Variants in SLC39A10 observed in about 807,000 individuals in gnomAD.
SLC39A10 encodes zinc transporter ZIP10.
Under a neutral mutation model 65.1 loss-of-function variants are expected in SLC39A10, and 13 were observed. The observed-to-expected ratio is 0.20, with a 90% CI of 0.13 to 0.32. The LOEUF is 0.32. SLC39A10 is among the 10% of genes least tolerant of loss of function. SLC39A10 has a pLI of 1.00. For missense variants in SLC39A10, 831 were observed against 1,018.4 expected, an observed-to-expected ratio of 0.82 and a Z score of 2.50; for synonymous variants, 321 against 342.2, an observed-to-expected ratio of 0.94 and a Z score of 0.68.
At chr2:195,700,863 A>G (rs993127512) in intron 3 of SLC39A10, among the ~76,000 whole-genome samples, 1 of 151,950 alleles carries the variant, frequency 6.6e-6, no homozygotes, top group African/African-American at 2.4e-5. Context: ...GTCTTTCAAG[A>G]GTTTGATTAT....
At chr2:195,707,520 G>C (rs1250956688) in intron 4 of SLC39A10, among the ~76,000 whole-genome samples, 1 of 151,572 alleles carries the variant, frequency 6.6e-6, no homozygotes, top group Non-Finnish European at 1.5e-5. Flanking sequence ...TGTGTGTTGT[G>C]TATATCTCCT....
At chr2:195,658,996 C>T (rs1689274436) in intron 1 of SLC39A10, among the ~76,000 whole-genome samples, 1 of 152,072 alleles carries the variant, frequency 6.6e-6, no homozygotes, top group Admixed American at 6.6e-5. Flanking sequence ...TTTAGTAAAG[C>T]ATTAGTGAGG....
intron 2 of SLC39A10, among the ~76,000 whole-genome samples, chr2:195,651,521 C>T (rs1689030938): frequency 6.6e-6 from 1 of 152,240 alleles, no homozygotes; most frequent in Admixed American, 6.5e-5. Flanking sequence ...GTCACCCAGG[C>T]TGGAAAGCAG....
intron 2 of SLC39A10, among the ~76,000 whole-genome samples, chr2:195,622,298 CA>C (rs1688365358): frequency 6.6e-6 from 1 of 151,868 alleles, no homozygotes; most frequent in African/African-American, 2.4e-5. Flanking sequence ...CCCCGGAGGT[CA>C]AGGCTGCAGT....
chr2:195,684,585 A>G (rs551048519), intron 3 of SLC39A10, among the ~76,000 whole-genome samples: 2 of 152,220 alleles, frequency 1.3e-5, no homozygotes, highest in South Asian at 4.1e-4. Flanking sequence ...TTCTTTTGAT[A>G]AAATCTAGAA....
chr2:195,637,126 G>A (rs1425416514), intron 2 of SLC39A10, among the ~76,000 whole-genome samples: 1 of 152,170 alleles, frequency 6.6e-6, no homozygotes, highest in Non-Finnish European at 1.5e-5. Flanking sequence ...TGTTCCAGTG[G>A]CATGTGGCAG....
At position 195,736,383 on chromosome 2, in the gene SLC39A10, G is replaced by T. The variant is rs1299975828; in HGVS notation, c.*1342G>T. On this transcript the variant is annotated 3_prime_UTR_variant, in exon 10 of 10. Coordinates refer to ENST00000359634, the MANE Select transcript of SLC39A10 (RefSeq NM_020342.3). Reference sequence around the variant, plus strand: ...TTCTGTTTACATCCTATGCCACATGGTCTTCATTTATGCCAGGTAAACTGT... The same window carrying T: ...TTCTGTTTACATCCTATGCCACATGTTCTTCATTTATGCCAGGTAAACTGT... The T allele has an allele frequency of 1.2e-5, 2 of 166,620 alleles. No homozygotes were observed. Among genetic ancestry groups the T allele is most frequent in the Admixed American group, 6.5e-5 (1 of 15,282 alleles). The allele number at this position is 166,620 out of a possible 1,614,324, so 10.3% of individuals were successfully genotyped here.
intron 1 of SLC39A10, among the ~76,000 whole-genome samples, chr2:195,678,451 A>G (rs934233707): frequency 6.6e-6 from 1 of 150,972 alleles, no homozygotes; most frequent in Non-Finnish European, 1.5e-5. Flanking sequence ...TCATTTTTTC[A>G]TTGGGTCGTC....
At chr2:195,700,516 C>T (rs997759880) in intron 3 of SLC39A10, among the ~76,000 whole-genome samples, 4 of 152,134 alleles carry the variant, frequency 2.6e-5, no homozygotes, top group African/African-American at 4.8e-5. Flanking sequence ...ACAACTTCAT[C>T]GCCACACCTT....
chr2:195,650,633 A>T (rs1402787794), intron 2 of SLC39A10, among the ~76,000 whole-genome samples: 1 of 152,106 alleles, frequency 6.6e-6, no homozygotes, highest in Non-Finnish European at 1.5e-5. Flanking sequence ...GGCAGATCAT[A>T]AAAAAGTTAA....
At chr2:195,615,584 C>T (rs1298994752) in intron 2 of SLC39A10, among the ~76,000 whole-genome samples, 1 of 152,148 alleles carries the variant, frequency 6.6e-6, no homozygotes, top group Non-Finnish European at 1.5e-5. Flanking sequence ...TTTTAAATTT[C>T]GCAGATGATG....
chr2:195,722,296 A>G (rs977457782), intron 8 of SLC39A10, among the ~76,000 whole-genome samples: 3 of 152,200 alleles, frequency 2.0e-5, no homozygotes, highest in African/African-American at 7.2e-5. Context: ...AAATTGATGT[A>G]AACTATACCA....
intron 2 of SLC39A10, among the ~76,000 whole-genome samples, chr2:195,683,162 T>TC (rs373148877): frequency 6.6e-6 from 1 of 151,826 alleles, no homozygotes; most frequent in East Asian, 1.9e-4. Context: ...TTACTTTTTT[T>TC]TTTGTTTGTT....
intron 8 of SLC39A10, among the ~76,000 whole-genome samples, chr2:195,724,777 C>G (rs1011951443): frequency 3.3e-5 from 5 of 151,912 alleles, no homozygotes; most frequent in Admixed American, 1.3e-4. Context: ...ATCCAGCAGG[C>G]TTTTTTGCAG....
intron 8 of SLC39A10, among the ~76,000 whole-genome samples, chr2:195,727,747 G>T (rs540362426): frequency 3.3e-5 from 5 of 152,036 alleles, no homozygotes; most frequent in African/African-American, 7.2e-5. Flanking sequence ...TGTGAGTACA[G>T]TTCTTTGAAT....
At chr2:195,689,771 G>A (rs1690658960) in intron 3 of SLC39A10, among the ~76,000 whole-genome samples, 1 of 152,070 alleles carries the variant, frequency 6.6e-6, no homozygotes, top group African/African-American at 2.4e-5. Context: ...TTATGTTTAT[G>A]ATTTTGATTA....
intron 2 of SLC39A10, among the ~76,000 whole-genome samples, chr2:195,621,673 C>T (rs1251541764): frequency 6.6e-6 from 1 of 152,228 alleles, no homozygotes; most frequent in African/African-American, 2.4e-5. Flanking sequence ...ACTGTTGGAA[C>T]AGATCATTTC....
At chr2:195,718,487 GA>G (rs540334554) in intron 8 of SLC39A10, among the ~76,000 whole-genome samples, 155 bp downstream of exon 8, 43 of 147,850 alleles carry the variant, frequency 2.9e-4, no homozygotes, top group East Asian at 9.8e-4. Flanking sequence ...GTTAAAATAT[GA>G]AAAAAAAAAT....
intron 2 of SLC39A10, among the ~76,000 whole-genome samples, chr2:195,635,653 T>G (rs944350017): frequency 1.3e-4 from 20 of 152,112 alleles, no homozygotes; most frequent in Middle Eastern, 3.4e-3. Flanking sequence ...ACAGTATCCC[T>G]TAAGTAATTG....
Sources: allele counts gnomAD v4.1 joint callset (sites outside exome capture counted in the v4.1 genomes callset), GRCh38; gene constraint gnomAD v4.1.1; transcripts MANE v1.5; gene names NCBI Gene and HGNC (gene_info 2026-07-23, HGNC 2026-07-21).